EIF4E3: variants seen among roughly 807,000 people sequenced by gnomAD.
EIF4E3 encodes the protein eukaryotic translation initiation factor 4E type 3.
A neutral mutation model predicts 31.7 loss-of-function variants in EIF4E3; 26 were observed. The ratio of observed to expected loss-of-function variants is 0.82; its 90% CI spans 0.60 to 1.14. EIF4E3 has a LOEUF of 1.14. Among genes scored for constraint, EIF4E3 ranks in the 50% most tolerant of loss-of-function variants. EIF4E3 has a pLI of 0.00. For synonymous variants in EIF4E3, 128 were observed against 107.7 expected, an observed-to-expected ratio of 1.19 and a Z score of -1.17; for missense variants, 304 against 270.9, an observed-to-expected ratio of 1.12 and a Z score of -0.86.
intron 1 of EIF4E3, among the ~76,000 whole-genome samples, chr3:71,737,792 CA>C (rs917614856): frequency 2.4e-4 from 37 of 151,768 alleles, no homozygotes; most frequent in African/African-American, 9.0e-4. Context: ...AACAAACAAA[CA>C]AAAAACAACA....
chr3:71,687,724 A>G (rs1440121835), intron 6 of EIF4E3, among the ~76,000 whole-genome samples: 2 of 152,218 alleles, frequency 1.3e-5, no homozygotes, highest in African/African-American at 2.4e-5. Context: ...TAAGTTATCA[A>G]TGGCCCAATG....
At chr3:71,691,080 A>G (rs2049057649) in intron 5 of EIF4E3, among the ~76,000 whole-genome samples, 1 of 152,192 alleles carries the variant, frequency 6.6e-6, no homozygotes. Flanking sequence ...AAGGAATACA[A>G]ACTTTTGATT....
chr3:71,716,119 G>A (rs1002953937), intron 1 of EIF4E3, among the ~76,000 whole-genome samples: 2 of 152,208 alleles, frequency 1.3e-5, no homozygotes, highest in African/African-American at 4.8e-5. Flanking sequence ...GCAAAGCACA[G>A]AGGTGGAGGT....
intron 1 of EIF4E3, among the ~76,000 whole-genome samples, chr3:71,724,337 G>A (rs1208712088): frequency 6.6e-6 from 1 of 152,200 alleles, no homozygotes; most frequent in Non-Finnish European, 1.5e-5. Context: ...ATCCTTAACT[G>A]AGGGGAGGTG....
chr3:71,697,187 T>A (rs563929817), intron 3 of EIF4E3, among the ~76,000 whole-genome samples: 179 of 152,282 alleles, frequency 1.2e-3, no homozygotes, highest in African/African-American at 4.2e-3. Context: ...GGCTAATTTT[T>A]AAAATTTTTT....
intron 6 of EIF4E3, 90 bp downstream of exon 6, chr3:71,689,920 T>A: frequency 1.6e-6 from 2 of 1,213,918 alleles, no homozygotes; most frequent in Non-Finnish European, 2.2e-6. Context: ...TTCAAGTAAA[T>A]CTGCCTTCAC....
chr3:71,754,113 CT>C, upstream of EIF4E3: 1 of 1,411,718 alleles, frequency 7.1e-7, no homozygotes, highest in Non-Finnish European at 9.3e-7. This position sits in a 1 kb window ranked among gnomAD's most constrained non-coding sequence, Gnocchi z 5.8. Flanking sequence ...GGGCCTCAAG[CT>C]GGCCACGCTC....
At chr3:71,699,775 C>T in intron 2 of EIF4E3, 67 bp from the exon 3 acceptor site, 1 of 1,336,282 alleles carries the variant, frequency 7.5e-7, no homozygotes, top group Non-Finnish European at 1.0e-6. Flanking sequence ...GCTAGATTAT[C>T]AAATTAATGC....
At chr3:71,722,972 C>G (rs2049574229) in intron 1 of EIF4E3, among the ~76,000 whole-genome samples, 2 of 152,172 alleles carry the variant, frequency 1.3e-5, no homozygotes, top group Non-Finnish European at 2.9e-5. Flanking sequence ...AGGCTTGGGG[C>G]AGCTAGATGG....
chr3:71,754,592 C>T (rs776744953), upstream of EIF4E3: 11 of 1,421,246 alleles, frequency 7.7e-6, no homozygotes, highest in Non-Finnish European at 1.0e-5. This position sits in a 1 kb window ranked among gnomAD's most constrained non-coding sequence, Gnocchi z 5.8. Context: ...ACGGCGCCCC[C>T]GGCGCGCTGG....
chr3:71,703,216 C>T (rs968024644), intron 2 of EIF4E3, among the ~76,000 whole-genome samples: 13 of 152,182 alleles, frequency 8.5e-5, no homozygotes, highest in Admixed American at 6.5e-4. Context: ...AGCACTGTGA[C>T]GGGTCCTTGG....
intron 6 of EIF4E3, among the ~76,000 whole-genome samples, 163 bp downstream of exon 6, chr3:71,689,847 T>C (rs1287352123): frequency 6.9e-6 from 1 of 144,532 alleles, no homozygotes; most frequent in Admixed American, 8.1e-5. Context: ...ACTAAGCTTG[T>C]TTTTTTTAAA....
chr3:71,753,595 G>C (rs1487752278), exon 1 of EIF4E3: 1 of 148,636 alleles, frequency 6.7e-6, no homozygotes, highest in Non-Finnish European at 1.5e-5. Flanking sequence ...ATGCCTCGGC[G>C]GGGCTGGCGG....
In EIF4E3 at chr3:71,677,972, A is replaced by C. The variant is rs1322071219; in HGVS notation, c.*6710T>G. ...AAGATACGTTTTCTAAGAGACCCAGATGAGCCCTATTATCAAATGTGTTCA... is the reference window on the plus strand; with the variant it reads ...AAGATACGTTTTCTAAGAGACCCAGCTGAGCCCTATTATCAAATGTGTTCA... On this transcript the variant is annotated 3_prime_UTR_variant, in exon 7 of 7. Coordinates refer to ENST00000425534, the MANE Select transcript of EIF4E3 (RefSeq NM_001134651.2). The C allele has an allele frequency of 6.6e-6, 1 of 152,176 alleles. No homozygotes were observed. The highest frequency in any genetic ancestry group is 1.9e-4 in the East Asian group (1 of 5,190). 9.4% of individuals were successfully genotyped at this position (152,176 alleles called of 1,614,324 possible).
chr3:71,721,681 G>C (rs894213063), intron 1 of EIF4E3, among the ~76,000 whole-genome samples: 1 of 152,138 alleles, frequency 6.6e-6, no homozygotes, highest in Non-Finnish European at 1.5e-5. Context: ...TGTGAAGAAG[G>C]TGCCTGCTTC....
At position 71,690,094 on chromosome 3, in the gene EIF4E3, C is replaced by G. The variant is rs1387639898; in HGVS notation, c.544G>C (p.Ala182Pro). 1 of 1,613,620 alleles carries G rather than the reference C, an allele frequency of 6.2e-7. No individual in the cohort carries two copies. The highest frequency in any genetic ancestry group is 8.5e-7 in the Non-Finnish European group (1 of 1,179,950). The stretch of plus-strand genomic sequence containing the variant: ...ACAGTCGCTTCACCCACTAAAGAGG[C>G]ATTTACATTCCAGACTTGGACGACG... ...EDVVQVWNVN[A>P]SLVGEATVLE... The change falls in exon 6 of 7, where the codon GCC (alanine) becomes CCC (proline). Residue 182 changes from alanine to proline, a missense_variant. Coordinates refer to ENST00000425534, the MANE Select transcript of EIF4E3 (RefSeq NM_001134651.2).
chr3:71,740,631 G>A (rs2049810202), intron 1 of EIF4E3, among the ~76,000 whole-genome samples: 1 of 152,172 alleles, frequency 6.6e-6, no homozygotes, highest in Non-Finnish European at 1.5e-5. Flanking sequence ...CTACTTGGGA[G>A]GCTAAAGTGG....
chr3:71,660,726 A>G, the EIF4E3 span, among the ~76,000 whole-genome samples: 3 of 152,300 alleles, frequency 2.0e-5, no homozygotes, highest in South Asian at 6.2e-4. Flanking sequence ...ATGGGCAGTA[A>G]TTAATTATAG....
rs116034659 is a variant in EIF4E3 at position 71,717,160 on chromosome 3, A to C, written c.177-6676T>G. ...CTGCATCTTTGCCACTCAAAGTGCA[A>C]CCAGGCAATGGGTAGCATCACCCGG... On this transcript the variant is annotated intron_variant, in intron 1 of 6. Coordinates refer to ENST00000425534, the MANE Select transcript of EIF4E3 (RefSeq NM_001134651.2). Among the ~76,000 whole-genome samples, 776 of 152,320 alleles carry C rather than the reference A, an allele frequency of 5.1e-3. 6 individuals carry two copies. The highest frequency in any genetic ancestry group is 8.2e-3 in the Non-Finnish European group (558 of 68,022).
Sources: allele counts gnomAD v4.1 joint callset (sites outside exome capture counted in the v4.1 genomes callset), GRCh38; gene constraint gnomAD v4.1.1; non-coding constraint Gnocchi (gnomAD v3.1); transcripts MANE v1.5; gene names NCBI Gene and HGNC (gene_info 2026-07-23, HGNC 2026-07-21).